The following SLC25A26 variants were observed in gnomAD, a reference collection of about 807,000 sequenced individuals.
SLC25A26 encodes solute carrier family 25 member 26.
Under a neutral mutation model 37.8 loss-of-function variants are expected in SLC25A26, and 36 were observed. The observed-to-expected ratio is 0.95, with a 90% CI of 0.73 to 1.26. The LOEUF (loss-of-function observed/expected upper bound fraction) is 1.26. Ranked by LOEUF, SLC25A26 falls within the 50% of genes most tolerant of loss-of-function variation. The pLI is 0.00. For missense variants in SLC25A26, 390 were observed against 331.1 expected (o/e 1.18, Z -1.38); for synonymous variants, 129 against 122.5 (o/e 1.05, Z -0.35).
chr3:66,245,605 A>G (rs1256013110), intron 3 of SLC25A26, among the ~76,000 whole-genome samples: 2 of 152,252 alleles, frequency 1.3e-5, no homozygotes, highest in African/African-American at 2.4e-5. Context: ...TAACCTTTAT[A>G]ACATTTACAT....
chr3:66,255,169 A>G (rs2073250994), intron 3 of SLC25A26, among the ~76,000 whole-genome samples: 1 of 152,194 alleles, frequency 6.6e-6, no homozygotes, highest in East Asian at 1.9e-4. Context: ...TTAAAGAGAC[A>G]GGATCTCATA....
At chr3:66,313,242 G>C (rs147014739) in intron 5 of SLC25A26, among the ~76,000 whole-genome samples, 24 of 152,276 alleles carry the variant, frequency 1.6e-4, no homozygotes, top group African/African-American at 5.1e-4. Context: ...TTTTCTTCTA[G>C]AGTTTTTATG....
intron 5 of SLC25A26, among the ~76,000 whole-genome samples, chr3:66,325,389 T>A (rs1278778136): frequency 6.6e-6 from 1 of 152,224 alleles, no homozygotes; most frequent in Admixed American, 6.5e-5. Context: ...TACCAGGTAC[T>A]ATGCATAGGG....
chr3:66,139,537 G>A (rs1157652279), intron 1 of SLC25A26, among the ~76,000 whole-genome samples: 1 of 152,130 alleles, frequency 6.6e-6, no homozygotes, highest in East Asian at 1.9e-4. Flanking sequence ...TTCTTTCGCG[G>A]TCATTAGAGC....
intron 1 of SLC25A26, among the ~76,000 whole-genome samples, chr3:66,134,306 T>C (rs2069914643): frequency 6.6e-6 from 1 of 152,232 alleles, no homozygotes. Flanking sequence ...AACATAAAAG[T>C]TGAAGTTTTT....
chr3:66,264,741 C>G (rs951155928), intron 5 of SLC25A26, among the ~76,000 whole-genome samples: 1 of 152,094 alleles, frequency 6.6e-6, no homozygotes, highest in Non-Finnish European at 1.5e-5. Context: ...GGTTGGGGAC[C>G]GCTGGTTTAA....
At chr3:66,361,063 A>G (rs1392428790) in intron 6 of SLC25A26, among the ~76,000 whole-genome samples, 2 of 152,270 alleles carry the variant, frequency 1.3e-5, no homozygotes, top group Non-Finnish European at 2.9e-5. Flanking sequence ...AGATGAGAAC[A>G]TAATAGAGAG....
intron 5 of SLC25A26, among the ~76,000 whole-genome samples, chr3:66,337,610 A>T (rs971476556): frequency 9.2e-5 from 14 of 152,168 alleles, no homozygotes; most frequent in African/African-American, 3.4e-4. Context: ...CCTAAAACTA[A>T]ATGTGTTGAG....
intron 1 of SLC25A26, among the ~76,000 whole-genome samples, chr3:66,197,388 A>G (rs1041333936): frequency 1.3e-5 from 2 of 152,152 alleles, no homozygotes; most frequent in South Asian, 2.1e-4. Context: ...AAGTTTCAAT[A>G]TAAGGATCAG....
intron 1 of SLC25A26, among the ~76,000 whole-genome samples, chr3:66,152,863 C>T (rs982491884): frequency 2.0e-5 from 3 of 152,114 alleles, no homozygotes; most frequent in African/African-American, 7.2e-5. Flanking sequence ...CATACATGGA[C>T]CCTTGCCTTC....
chr3:66,345,039 A>G (rs1202900522), intron 5 of SLC25A26, among the ~76,000 whole-genome samples: 1 of 152,222 alleles, frequency 6.6e-6, no homozygotes. Flanking sequence ...TACAAAGTGC[A>G]TATTTGCAGA....
chr3:66,288,044 C>G (rs74343830), intron 5 of SLC25A26, among the ~76,000 whole-genome samples: 1,962 of 152,180 alleles, frequency 0.013, 53 homozygotes, highest in African/African-American at 0.045. Context: ...GTAGAATTAG[C>G]CATGTGTGGA....
intron 1 of SLC25A26, among the ~76,000 whole-genome samples, chr3:66,193,918 T>C (rs2070993548): frequency 1.3e-5 from 2 of 152,226 alleles, no homozygotes; most frequent in South Asian, 4.1e-4. Flanking sequence ...TCTAATTCAA[T>C]TTAGGATGAT....
intron 1 of SLC25A26, among the ~76,000 whole-genome samples, chr3:66,232,707 CGA>C (rs1559596725): frequency 6.6e-6 from 1 of 152,122 alleles, no homozygotes; most frequent in Non-Finnish European, 1.5e-5. Flanking sequence ...GCACATAGTG[CGA>C]GTTTTGGGAG....
At chr3:66,209,092 A>ATATATACCTTT (rs2071233598) in intron 1 of SLC25A26, among the ~76,000 whole-genome samples, 5 of 37,376 alleles carry the variant, frequency 1.3e-4, no homozygotes, top group Admixed American at 3.7e-4. Flanking sequence ...ATAAAGATGT[A>ATATATACCTTT]TATATATATA....
At chr3:66,198,986 C>G (rs1408256976) in intron 1 of SLC25A26, among the ~76,000 whole-genome samples, 1 of 151,960 alleles carries the variant, frequency 6.6e-6, no homozygotes, top group African/African-American at 2.4e-5. Context: ...CCAACCCTAA[C>G]CATGGCCGTG....
intron 3 of SLC25A26, among the ~76,000 whole-genome samples, chr3:66,250,437 C>T (rs1289227823): frequency 1.3e-5 from 2 of 152,168 alleles, no homozygotes; most frequent in African/African-American, 4.8e-5. Context: ...TACAATGGTG[C>T]AAGAGTGAGA....
intron 5 of SLC25A26, among the ~76,000 whole-genome samples, chr3:66,313,361 G>A (rs573285738): frequency 1.4e-4 from 21 of 152,138 alleles, no homozygotes; most frequent in African/African-American, 4.6e-4. Context: ...TCCCAGCACC[G>A]TTTATTAAAT....
intron 5 of SLC25A26, among the ~76,000 whole-genome samples, chr3:66,324,846 A>C (rs1157364691): frequency 2.0e-5 from 3 of 151,872 alleles, no homozygotes; most frequent in Admixed American, 1.3e-4. Context: ...TTTTGGGAGA[A>C]GGAAAAAATC....
Sources: gnomAD v4.1 joint callset for allele counts (sites outside exome capture counted in the v4.1 genomes callset) on GRCh38, gnomAD v4.1.1 for gene constraint, MANE v1.5 for transcripts, NCBI Gene and HGNC (gene_info 2026-07-23, HGNC 2026-07-21) for gene names.